The following RBFOX1 variants were observed in gnomAD, a reference collection of about 807,000 sequenced individuals.
RBFOX1 encodes RNA binding fox-1 homolog 1.
RBFOX1 carries 8 observed loss-of-function variants against 57.7 expected under a neutral mutation model. The ratio of observed to expected loss-of-function variants is 0.14; its 90% confidence interval spans 0.08 to 0.25. The LOEUF is 0.25. Among genes scored for constraint, RBFOX1 ranks in the 10% least tolerant of loss-of-function variants. RBFOX1 has a pLI of 1.00. For missense variants in RBFOX1, 611 were observed against 548.5 expected, an observed-to-expected ratio of 1.11 and a Z score of -1.14; for synonymous variants, 326 against 222.4, an observed-to-expected ratio of 1.47 and a Z score of -4.15.
At chr16:6,941,947 G>A (rs991975412) in intron 3 of RBFOX1, among the ~76,000 whole-genome samples, 1 of 152,128 alleles carries the variant, frequency 6.6e-6, no homozygotes, top group Non-Finnish European at 1.5e-5. Context: ...AGCTGGGAAA[G>A]GATGGGCACA....
At chr16:7,434,663 A>G (rs971715701) in intron 4 of RBFOX1, among the ~76,000 whole-genome samples, 1 of 151,966 alleles carries the variant, frequency 6.6e-6, no homozygotes, top group Non-Finnish European at 1.5e-5. Context: ...ATACTTTTAC[A>G]TTTACAGAAA....
chr16:5,738,458 C>A (rs768441214), intron 3 of RBFOX1, among the ~76,000 whole-genome samples: 1 of 151,468 alleles, frequency 6.6e-6, no homozygotes, highest in African/African-American at 2.4e-5. Context: ...ATGGTGAAAC[C>A]CTGTCTCTGC....
chr16:6,760,339 C>G (rs960563098), intron 3 of RBFOX1, among the ~76,000 whole-genome samples: 8 of 152,060 alleles, frequency 5.3e-5, no homozygotes, highest in Non-Finnish European at 1.0e-4. Flanking sequence ...GAAGGGGAAT[C>G]AAGATGGTTT....
intron 4 of RBFOX1, among the ~76,000 whole-genome samples, chr16:5,969,982 C>T (rs867984370): frequency 6.6e-6 from 1 of 152,026 alleles, no homozygotes; most frequent in Admixed American, 6.6e-5. Context: ...ACTGGGGATA[C>T]GTTGTGTTCA....
intron 3 of RBFOX1, among the ~76,000 whole-genome samples, chr16:6,960,124 C>T (rs138307012): frequency 9.2e-5 from 14 of 152,072 alleles, no homozygotes; most frequent in Non-Finnish European, 2.1e-4. Context: ...GAAGAAACTC[C>T]CCAGGTCTTG....
At chr16:7,662,190 T>C (rs2067936740) in intron 12 of RBFOX1, among the ~76,000 whole-genome samples, 1 of 152,174 alleles carries the variant, frequency 6.6e-6, no homozygotes, top group Non-Finnish European at 1.5e-5. Context: ...ACAGATGAGG[T>C]TCCACCATTG....
chr16:5,908,144 A>G (rs867666503), intron 4 of RBFOX1, among the ~76,000 whole-genome samples: 8 of 145,060 alleles, frequency 5.5e-5, no homozygotes, highest in African/African-American at 8.0e-5. Context: ...ACACATATAT[A>G]CACATATATA....
At chr16:6,866,234 G>T (rs2345826) in intron 3 of RBFOX1, among the ~76,000 whole-genome samples, 116,475 of 151,906 alleles carry the variant, frequency 0.77, 45,747 homozygotes, top group African/African-American at 0.94. Context: ...CATTTTTTAA[G>T]GTTCTGGAAA....
intron 2 of RBFOX1, among the ~76,000 whole-genome samples, chr16:5,573,045 G>A (rs918811697): frequency 6.6e-6 from 1 of 152,184 alleles, no homozygotes; most frequent in African/African-American, 2.4e-5. Context: ...TGGGGCAGGG[G>A]CAGGGAGGAC....
chr16:5,261,505 A>G (rs565885572), intron 1 of RBFOX1, among the ~76,000 whole-genome samples: 1 of 150,736 alleles, frequency 6.6e-6, no homozygotes, highest in African/African-American at 2.4e-5. Context: ...TGTTTTCCTT[A>G]GAAATTATAG....
chr16:5,596,659 C>A lies in RBFOX1; in HGVS notation c.259-2243C>A, dbSNP rs116616629. ...GTCACTGGGTTGAAATCTGCTATTG[C>A]GCTTAACTCGTTGATCAAGTGCAGT... On this transcript the variant is annotated intron_variant, in intron 2 of 2. Coordinates refer to the RBFOX1 transcript ENST00000585867. Among the ~76,000 whole-genome samples, 627 of 152,272 alleles carry A rather than the reference C, an allele frequency of 4.1e-3. 2 individuals are homozygous for A. The highest frequency in any genetic ancestry group is 0.015 in the African/African-American group (606 of 41,544).
chr16:6,929,700 C>A (rs191997592), intron 3 of RBFOX1, among the ~76,000 whole-genome samples: 1 of 146,228 alleles, frequency 6.8e-6, no homozygotes, highest in African/African-American at 2.6e-5. Context: ...TGTGTTACTA[C>A]GGGGTTATTT....
chr16:7,441,055 A>G (rs895823017), intron 4 of RBFOX1, among the ~76,000 whole-genome samples: 2 of 152,162 alleles, frequency 1.3e-5, no homozygotes, highest in African/African-American at 4.8e-5. Flanking sequence ...CCAAAGAAAA[A>G]AAAAAGACAG....
intron 1 of RBFOX1, among the ~76,000 whole-genome samples, chr16:6,250,733 A>T (rs1220000343): frequency 6.6e-6 from 1 of 152,186 alleles, no homozygotes; most frequent in African/African-American, 2.4e-5. Context: ...CCAGAGAACC[A>T]GGGCACTTCC....
chr16:6,845,505 T>C (rs1250106647), intron 3 of RBFOX1, among the ~76,000 whole-genome samples: 1 of 152,216 alleles, frequency 6.6e-6, no homozygotes, highest in Admixed American at 6.5e-5. Flanking sequence ...TGCAGTCTTA[T>C]TTCTGAGTTC....
chr16:5,749,347 G>C (rs1185882091), intron 3 of RBFOX1, among the ~76,000 whole-genome samples: 1 of 152,058 alleles, frequency 6.6e-6, no homozygotes, highest in African/African-American at 2.4e-5. Flanking sequence ...ATTTGTCTTG[G>C]AGTTGCTCTT....
At chr16:5,549,240 C>T (rs753004704) in intron 2 of RBFOX1, among the ~76,000 whole-genome samples, 2 of 152,126 alleles carry the variant, frequency 1.3e-5, no homozygotes, top group Non-Finnish European at 2.9e-5. Context: ...TCTGGGAGAG[C>T]CTGGGAGCCT....
At chr16:6,578,198 A>G (rs1187102214) in intron 2 of RBFOX1, among the ~76,000 whole-genome samples, 9 of 152,228 alleles carry the variant, frequency 5.9e-5, no homozygotes, top group Non-Finnish European at 8.8e-5. Context: ...TCATTACCTC[A>G]TATCTTACGT....
At chr16:7,124,580 T>A (rs2068013016) in intron 4 of RBFOX1, among the ~76,000 whole-genome samples, 1 of 134,152 alleles carries the variant, frequency 7.5e-6, no homozygotes, top group East Asian at 2.6e-4. Context: ...CCTTCCTTCC[T>A]TCCTGTAATA....
Sources: allele counts gnomAD v4.1 joint callset (sites outside exome capture counted in the v4.1 genomes callset), GRCh38; gene constraint gnomAD v4.1.1; transcripts MANE v1.5; gene names NCBI Gene and HGNC (gene_info 2026-07-23, HGNC 2026-07-21).